The following PFKM variants were observed in gnomAD, a reference collection of about 807,000 sequenced individuals.
PFKM encodes the protein ATP-dependent 6-phosphofructokinase, muscle type.
PFKM carries 58 observed loss-of-function variants against 95.5 expected under a neutral mutation model. That is an observed-to-expected ratio of 0.61 (90% CI 0.49 to 0.76). The LOEUF is 0.76. PFKM is among the 30% of genes least tolerant of loss of function. The pLI is 0.00. For missense variants in PFKM, 678 were observed against 1,005.4 expected (o/e 0.67, Z 4.40); for synonymous variants, 336 against 357.2 (o/e 0.94, Z 0.67).
In PFKM at chr12:48,142,405, G is replaced by A. The variant is rs548673761; in HGVS notation, c.1653+339G>A. 278 of 433,874 alleles carry A rather than the reference G, an allele frequency of 6.4e-4. 2 individuals carry two copies. Among genetic ancestry groups the A allele is most frequent in the Middle Eastern group, 5.1e-3 (7 of 1,372 alleles). 26.9% of individuals were successfully genotyped at this position (433,874 alleles called of 1,614,324 possible). The stretch of plus-strand genomic sequence containing the variant: ...GGAAAATTGCTTGAACCTGGGAGGC[G>A]GAGGTTGCAGTGAGCAGAGATCGTG... On this transcript the variant is annotated intron_variant, in intron 17 of 22. Coordinates refer to ENST00000359794, the MANE Select transcript of PFKM (RefSeq NM_000289.6).
At chr12:48,136,249 C>A (rs1356049248) in intron 10 of PFKM, among the ~76,000 whole-genome samples, 2 of 152,110 alleles carry the variant, frequency 1.3e-5, no homozygotes, top group Non-Finnish European at 2.9e-5. Context: ...AATTTTTAAT[C>A]TTATGTATAT....
chr12:48,109,889 G>T (rs1443553412), intron 3 of PFKM, among the ~76,000 whole-genome samples: 1 of 151,924 alleles, frequency 6.6e-6, no homozygotes, highest in Admixed American at 6.6e-5. Flanking sequence ...TTCCTTCCAA[G>T]AGAATGTGTT....
In PFKM at chr12:48,134,837, C is replaced by T. The variant is rs772912082; in HGVS notation, c.747+8C>T. 2 of 1,608,766 alleles carry T rather than the reference C, an allele frequency of 1.2e-6. No individual in the cohort carries two copies. The highest frequency in any genetic ancestry group is 2.7e-5 in the African/African-American group (2 of 74,800). Reference sequence around the variant, plus strand: ...TGTCGCCGACTCAGCGAGGTACTTGCACTTTATTTTGCCCTTAAGAAATCC... The same window carrying T: ...TGTCGCCGACTCAGCGAGGTACTTGTACTTTATTTTGCCCTTAAGAAATCC... On this transcript the variant is annotated splice_region_variant and intron_variant, in intron 8 of 22. Coordinates refer to ENST00000359794, the MANE Select transcript of PFKM (RefSeq NM_000289.6).
intron 11 of PFKM, 58 bp downstream of exon 11, chr12:48,137,904 A>C: frequency 3.1e-6 from 5 of 1,592,440 alleles, no homozygotes; most frequent in Non-Finnish European, 4.3e-6. Flanking sequence ...CTTGGAGCTC[A>C]AGGGGCATGA....
chr12:48,106,298 G>A lies in PFKM; in HGVS notation c.-10+161G>A. 11 of 593,546 alleles carry A rather than the reference G, an allele frequency of 1.9e-5. No homozygotes were observed. In the South Asian group the frequency reaches 2.2e-4, roughly 12 times the overall value. The allele number at this position is 593,546 out of a possible 1,614,324, so 36.8% of individuals were successfully genotyped here. ...TCAGTCTGGGCTTTTTCGCTTTCTCGTACTCGGAATACTGTTAGTGAGCCC... is the reference window on the plus strand; with the variant it reads ...TCAGTCTGGGCTTTTTCGCTTTCTCATACTCGGAATACTGTTAGTGAGCCC... On this transcript the variant is annotated intron_variant, in intron 1 of 24. Transcript: ENST00000340802.
intron 2 of PFKM, among the ~76,000 whole-genome samples, chr12:48,128,803 T>C (rs1949115349): frequency 6.6e-6 from 1 of 152,206 alleles, no homozygotes; most frequent in Non-Finnish European, 1.5e-5. Context: ...AAGGACAACA[T>C]GAACAGATTT....
chr12:48,139,605 CT>C, intron 12 of PFKM: 1 of 617,840 alleles, frequency 1.6e-6, no homozygotes, highest in Non-Finnish European at 2.9e-6. Context: ...TGATAAGTTC[CT>C]CTAGGCAAGG....
rs59233899 is a variant in PFKM, at chr12:48,134,576, C to T, written c.639-145C>T. 4,289 of 745,614 alleles carry T rather than the reference C, an allele frequency of 5.8e-3. 132 individuals are homozygous for T. The African/African-American group carries it at 0.064, about 11-fold the overall frequency. 46.2% of individuals were successfully genotyped at this position (745,614 alleles called of 1,614,324 possible). On this transcript the variant is annotated intron_variant, in intron 7 of 22. Transcript: ENST00000359794. ...GAGACAGAATCTCATTGAGGGGCCC[C>T]GGTGCTCTTACCCTTGCCCCACGAA... is the stretch of plus-strand genomic sequence containing the variant.
chr12:48,122,854 C>T lies in PFKM; in HGVS notation c.80C>T (p.Ala27Val). The T allele has an allele frequency of 1.2e-6, 2 of 1,613,878 alleles. No homozygotes were observed. The highest frequency in any genetic ancestry group is 1.7e-6 in the Non-Finnish European group (2 of 1,179,826). The change falls in exon 2 of 23, where the codon GCC becomes GTC. Residue 27 changes from alanine (A) to valine (V), a missense_variant. Coordinates refer to ENST00000359794, the MANE Select transcript of PFKM (RefSeq NM_000289.6). ...AIAVLTSGGD[A>V]QGMNAAVRAV... ...GCTGTCTTAACCTCTGGTGGAGATG[C>T]CCAAGGTAAGGAGGAGGGGACAAAA...
chr12:48,143,928 G>T (rs772191370), intron 19 of PFKM, 114 bp downstream of exon 19: 1 of 1,094,474 alleles, frequency 9.1e-7, no homozygotes, highest in Non-Finnish European at 1.4e-6. Context: ...AAAGGGAGGG[G>T]GCCAGCCTAT....
chr12:48,118,012 A>G (rs955393891), upstream of PFKM, among the ~76,000 whole-genome samples: 5 of 152,238 alleles, frequency 3.3e-5, no homozygotes, highest in Non-Finnish European at 5.9e-5. Flanking sequence ...TAGAAAAGCA[A>G]TCTGTGAGGA....
In PFKM at chr12:48,132,943, C is replaced by T. The variant is rs765368651; in HGVS notation, c.313C>T (p.Leu105=). The T allele has an allele frequency of 6.2e-7, 1 of 1,614,128 alleles. No individual in the cohort carries two copies. The highest frequency in any genetic ancestry group is 1.1e-5 in the South Asian group (1 of 91,074). Residue 105 remains leucine (L), a synonymous_variant, in exon 5 of 23, where the codon CTG becomes TTG. Transcript: ENST00000359794. ...REGRLRAAYN[L]VKRGITNLCV... ...AGGACGACTCCGAGCTGCCTACAAC[C>T]TGGTGAAGCGTGGGATCACCAATCT...
intron 10 of PFKM, 163 bp from the exon 11 acceptor site, chr12:48,137,558 A>T: frequency 1.4e-6 from 1 of 738,346 alleles, no homozygotes; most frequent in Non-Finnish European, 2.3e-6. Context: ...CTTTAGATGA[A>T]ATCTGTTTGG....
chr12:48,143,927 G>C, intron 19 of PFKM, 113 bp downstream of exon 19: 1 of 1,093,254 alleles, frequency 9.1e-7, no homozygotes, highest in South Asian at 1.2e-5. Flanking sequence ...TAAAGGGAGG[G>C]GGCCAGCCTA....
At chr12:48,122,979 A>T (rs2137867326) in intron 2 of PFKM, 120 bp downstream of exon 2, 1 of 952,912 alleles carries the variant, frequency 1.0e-6, no homozygotes, top group East Asian at 2.5e-5. Flanking sequence ...TTTGCTAAAA[A>T]TTTCTGTGAG....
chr12:48,145,390 G>GT lies in PFKM; in HGVS notation c.2198+76dup. ...CTCTACTGTCCTCAACCTGTTCACT[G>GT]TCTTTAATTCTTTTTTTTTTTTAAG... On this transcript the variant is annotated intron_variant, in intron 22 of 22. Transcript: ENST00000359794. The surrounding 1 kb of genome is among the most constrained non-coding windows in gnomAD (Gnocchi z 4.3). 2 of 1,366,518 alleles carry GT rather than the reference G, an allele frequency of 1.5e-6. No individual in the cohort carries two copies. The highest frequency in any genetic ancestry group is 2.1e-6 in the Non-Finnish European group (2 of 961,704). The allele number at this position is 1,366,518 out of a possible 1,614,324, so 84.6% of individuals were successfully genotyped here.
chr12:48,114,377 T>G (rs1473764187), upstream of PFKM, among the ~76,000 whole-genome samples: 9 of 152,120 alleles, frequency 5.9e-5, no homozygotes. Flanking sequence ...TGCCTTCAGC[T>G]CCAGCCACCT....
upstream of PFKM, chr12:48,118,554 TGGAGACA>T (rs1254905980): frequency 4.0e-6 from 6 of 1,516,212 alleles, no homozygotes; most frequent in Non-Finnish European, 5.3e-6. Flanking sequence ...GACCCGACTG[TGGAGACA>T]ATGAAGCAAA....
upstream of PFKM, among the ~76,000 whole-genome samples, chr12:48,116,693 G>A (rs1230850941): frequency 1.3e-5 from 2 of 152,124 alleles, no homozygotes; most frequent in African/African-American, 4.8e-5. Context: ...TGCCCAGTCT[G>A]GTCTTAAATT....
Sources: gnomAD v4.1 joint callset for allele counts (sites outside exome capture counted in the v4.1 genomes callset) on GRCh38, gnomAD v4.1.1 for gene constraint, Gnocchi (gnomAD v3.1) non-coding constraint, MANE v1.5 for transcripts, NCBI Gene and HGNC (gene_info 2026-07-23, HGNC 2026-07-21) for gene names.